The following PPFIA2 variants were observed in gnomAD, a reference collection of about 807,000 sequenced individuals.
PPFIA2 encodes the protein liprin-alpha-2.
In PPFIA2, 46 loss-of-function variants were observed where a neutral mutation model predicts 175.5. The ratio of observed to expected loss-of-function variants is 0.26; its 90% CI spans 0.21 to 0.34. The LOEUF (loss-of-function observed/expected upper bound fraction) is 0.34. Ranked by LOEUF, PPFIA2 falls within the 10% of genes least tolerant of loss-of-function variation. The pLI, the probability that PPFIA2 is intolerant of heterozygous loss-of-function variation, is 1.00. For synonymous variants in PPFIA2, 568 were observed against 511.4 expected (o/e 1.11, Z -1.49); for missense variants, 1,179 against 1,506.1 (o/e 0.78, Z 3.60).
At chr12:81,637,118 G>A (rs866347743) in intron 4 of PPFIA2, among the ~76,000 whole-genome samples, 1 of 150,520 alleles carries the variant, frequency 6.6e-6, no homozygotes, top group African/African-American at 2.4e-5. Flanking sequence ...TGCCCAGGCT[G>A]GAGTGCAATG....
intron 4 of PPFIA2, among the ~76,000 whole-genome samples, chr12:81,523,681 A>T (rs1414329279): frequency 6.6e-6 from 1 of 152,168 alleles, no homozygotes; most frequent in Non-Finnish European, 1.5e-5. Context: ...TGCTGCCAAA[A>T]AAACCTAGAG....
At chr12:81,606,629 C>A (rs759090178) in intron 4 of PPFIA2, among the ~76,000 whole-genome samples, 1 of 152,040 alleles carries the variant, frequency 6.6e-6, no homozygotes, top group Non-Finnish European at 1.5e-5. Context: ...TGAAAAGTAT[C>A]TGTTCATTTC....
chr12:81,271,426 A>C (rs993754929), intron 28 of PPFIA2, among the ~76,000 whole-genome samples: 23 of 152,002 alleles, frequency 1.5e-4, no homozygotes, highest in Non-Finnish European at 8.8e-5. Flanking sequence ...ATGCGCCACC[A>C]CACCTGGCTA....
At chr12:81,521,819 CAAAAAAAAA>C (rs958600445) in intron 4 of PPFIA2, among the ~76,000 whole-genome samples, 5 of 105,662 alleles carry the variant, frequency 4.7e-5, no homozygotes. Context: ...CTCCATCTCA[CAAAAAAAAA>C]AAAAAAAATT....
Position 81,312,357 on chromosome 12 carries a change from G to C in PPFIA2, c.2643-12975C>G, listed in dbSNP as rs1479022578. ...ACACACATACTCACTGCGTCGAAAA[G>C]CATAGTCAGGCTGAGGGTAGTTCTA... On this transcript the variant is annotated intron_variant, in intron 22 of 32. Transcript: ENST00000549396. The C allele has an allele frequency of 5.0e-6, 3 of 600,830 alleles. No homozygotes were observed. The African/African-American group carries it at 5.6e-5, about 11-fold the overall frequency. 37.2% of individuals were successfully genotyped at this position (600,830 alleles called of 1,614,324 possible).
At chr12:81,313,025 G>A (rs2051327161) in intron 22 of PPFIA2, among the ~76,000 whole-genome samples, 1 of 151,888 alleles carries the variant, frequency 6.6e-6, no homozygotes. Context: ...TATAAATGTT[G>A]TTTTTGGGGA....
intron 4 of PPFIA2, among the ~76,000 whole-genome samples, chr12:81,577,678 A>T (rs1300531478): frequency 3.3e-5 from 5 of 151,902 alleles, no homozygotes; most frequent in Non-Finnish European, 5.9e-5. Context: ...GTGCAAAGAT[A>T]AATTGGGTGG....
chr12:81,500,931 G>A (rs756651117), intron 4 of PPFIA2, among the ~76,000 whole-genome samples: 4 of 152,192 alleles, frequency 2.6e-5, no homozygotes, highest in Non-Finnish European at 5.9e-5. Flanking sequence ...AGATAAAGCT[G>A]CTTCAGGGAA....
chr12:81,454,614 T>C (rs2053251093), intron 5 of PPFIA2, among the ~76,000 whole-genome samples: 1 of 152,222 alleles, frequency 6.6e-6, no homozygotes, highest in Non-Finnish European at 1.5e-5. Flanking sequence ...GTATAATTCA[T>C]CCAAATATCA....
intron 8 of PPFIA2, among the ~76,000 whole-genome samples, chr12:81,405,221 T>C (rs1419188594): frequency 6.6e-6 from 1 of 152,142 alleles, no homozygotes; most frequent in Non-Finnish European, 1.5e-5. Context: ...AAAAGTCCCA[T>C]GACTTCACAT....
In PPFIA2 at chr12:81,520,871, T is replaced by C. The variant is rs148184188; in HGVS notation, c.304-63005A>G. 2.6e-4 allele frequency among the ~76,000 whole-genome samples: 39 copies of C among 152,320 alleles called. 1 individual carries two copies. The highest frequency in any genetic ancestry group is 9.1e-4 in the African/African-American group (38 of 41,572). ...AGAGAGAGTAAGTAGGCAGGATTTA[T>C]ACCATGCAGTGCCTGGTAGCCCAGG... On this transcript the variant is annotated intron_variant, in intron 4 of 32. Transcript: ENST00000549396.
At chr12:81,358,360 C>T in intron 15 of PPFIA2, 143 bp from the exon 16 acceptor site, 1 of 802,062 alleles carries the variant, frequency 1.2e-6, no homozygotes, top group Non-Finnish European at 1.9e-6. Context: ...ATTGTCATGA[C>T]TCTCTGAGGC....
intron 9 of PPFIA2, among the ~76,000 whole-genome samples, chr12:81,380,892 T>C (rs1353532427): frequency 5.3e-5 from 8 of 151,924 alleles, no homozygotes; most frequent in African/African-American, 1.7e-4. Context: ...TTAAAAAATC[T>C]TTCATAAACC....
chr12:81,400,843 G>A (rs1409044128), intron 8 of PPFIA2, among the ~76,000 whole-genome samples: 1 of 152,156 alleles, frequency 6.6e-6, no homozygotes, highest in East Asian at 1.9e-4. Flanking sequence ...GTGACATGCC[G>A]AGGATGTGCC....
intron 4 of PPFIA2, among the ~76,000 whole-genome samples, chr12:81,462,171 A>G (rs2054645480): frequency 6.8e-6 from 1 of 148,032 alleles, no homozygotes; most frequent in Admixed American, 6.8e-5. Flanking sequence ...ATTCTTTTTT[A>G]CTTTGTAGCT....
chr12:81,628,982 G>T (rs1303400048), intron 4 of PPFIA2, among the ~76,000 whole-genome samples: 1 of 152,102 alleles, frequency 6.6e-6, no homozygotes, highest in East Asian at 1.9e-4. Flanking sequence ...AAGGACCACA[G>T]GCAGAGAGAT....
chr12:81,284,879 A>G (rs1012033146), intron 24 of PPFIA2, among the ~76,000 whole-genome samples: 11 of 152,190 alleles, frequency 7.2e-5, no homozygotes, highest in African/African-American at 2.4e-4. Flanking sequence ...AGTAAATAGT[A>G]AGTGTCCCTG....
intron 4 of PPFIA2, among the ~76,000 whole-genome samples, chr12:81,663,057 A>G (rs2069269647): frequency 6.6e-6 from 1 of 152,196 alleles, no homozygotes; most frequent in Admixed American, 6.5e-5. Flanking sequence ...ATATCTCAAA[A>G]TAATAAGAGC....
intron 5 of PPFIA2, among the ~76,000 whole-genome samples, chr12:81,450,057 A>G (rs1484858020): frequency 6.6e-6 from 1 of 152,122 alleles, no homozygotes; most frequent in African/African-American, 2.4e-5. Context: ...CATTTGGGTT[A>G]GTTCCAAGTC....
Sources: gnomAD v4.1 joint callset for allele counts (sites outside exome capture counted in the v4.1 genomes callset) on GRCh38, gnomAD v4.1.1 for gene constraint, MANE v1.5 for transcripts, NCBI Gene and HGNC (gene_info 2026-07-23, HGNC 2026-07-21) for gene names.